The following STAG1 variants were observed in gnomAD, a reference collection of about 807,000 sequenced individuals.
STAG1 encodes cohesin subunit SA-1.
In STAG1, 26 loss-of-function variants were observed where a neutral mutation model predicts 170.9. That is an observed-to-expected ratio of 0.15 (90% CI 0.11 to 0.21). The LOEUF (loss-of-function observed/expected upper bound fraction) is 0.21, where lower values mean the gene tolerates loss of function less well. STAG1 is among the 10% of genes least tolerant of loss of function. The pLI is 1.00. For missense variants in STAG1, 964 were observed against 1,509.5 expected (o/e 0.64, Z 5.99); for synonymous variants, 514 against 497.7 (o/e 1.03, Z -0.44).
chr3:136,388,932 T>C (rs1014287385), intron 22 of STAG1, among the ~76,000 whole-genome samples: 1 of 152,188 alleles, frequency 6.6e-6, no homozygotes, highest in Non-Finnish European at 1.5e-5. Flanking sequence ...GAAAGTGTTA[T>C]GTTTTGTCTA....
At chr3:136,531,909 A>T (rs1304067791) in intron 6 of STAG1, among the ~76,000 whole-genome samples, 6 of 108,226 alleles carry the variant, frequency 5.5e-5, no homozygotes, top group Non-Finnish European at 8.9e-5. Context: ...TTAAAGTATA[A>T]AAAAAAAAAA....
chr3:136,475,375 G>A (rs1388802239), intron 10 of STAG1, among the ~76,000 whole-genome samples: 2 of 151,990 alleles, frequency 1.3e-5, no homozygotes, highest in African/African-American at 2.4e-5. Context: ...TCGAACTCCT[G>A]ACCTCAGGTG....
intron 21 of STAG1, among the ~76,000 whole-genome samples, chr3:136,413,242 TATATATA>T (rs1372452613): frequency 6.7e-6 from 1 of 148,238 alleles, no homozygotes; most frequent in Non-Finnish European, 1.5e-5. Flanking sequence ...TAATGTATAC[TATATATA>T]ATATATATCG....
At chr3:136,629,799 A>T (rs1165959701) in intron 2 of STAG1, among the ~76,000 whole-genome samples, 1 of 152,214 alleles carries the variant, frequency 6.6e-6, no homozygotes, top group African/African-American at 2.4e-5. Flanking sequence ...AACCATTGTT[A>T]TACAGAATCA....
chr3:136,475,078 C>T (rs2089713986), intron 10 of STAG1, among the ~76,000 whole-genome samples: 1 of 151,416 alleles, frequency 6.6e-6, no homozygotes, highest in Non-Finnish European at 1.5e-5. Context: ...TCTCCTGAAA[C>T]CACATTTTCA....
At chr3:136,474,283 T>C (rs1220694801) in intron 10 of STAG1, among the ~76,000 whole-genome samples, 1 of 152,222 alleles carries the variant, frequency 6.6e-6, no homozygotes, top group East Asian at 1.9e-4. Context: ...GATTAGTTTC[T>C]ATCCTCTGAA....
chr3:136,349,497 G>T, intron 28 of STAG1, 134 bp from the exon 29 acceptor site: 2 of 669,794 alleles, frequency 3.0e-6, no homozygotes, highest in South Asian at 3.7e-5. Context: ...ATTAACAGTG[G>T]TCACCTTTGG....
chr3:136,341,161 C>T (rs553513596), intron 31 of STAG1, among the ~76,000 whole-genome samples: 2 of 152,170 alleles, frequency 1.3e-5, no homozygotes, highest in Non-Finnish European at 2.9e-5. Flanking sequence ...CCGCCCGCCT[C>T]GGCCTCCCAA....
At chr3:136,631,052 C>A in intron 1 of STAG1, 71 bp from the exon 2 acceptor site, 1 of 686,736 alleles carries the variant, frequency 1.5e-6, no homozygotes, top group Non-Finnish European at 2.4e-6. Flanking sequence ...TACAATCAAT[C>A]CACACCACTA....
intron 1 of STAG1, among the ~76,000 whole-genome samples, chr3:136,678,192 G>T (rs1231680377): frequency 6.7e-6 from 1 of 149,444 alleles, no homozygotes; most frequent in African/African-American, 2.5e-5. Flanking sequence ...GAAAAAAATC[G>T]AGTTTATATA....
rs148995542 is a variant in STAG1 at position 136,400,274 on chromosome 3, C to T, written c.2197-1445G>A. ...ACAGAGTCTTGCTCTGTTGCCCAGG[C>T]TGCAGTGCAGTGGCGTGATCTCGGC... On this transcript the variant is annotated intron_variant, in intron 21 of 33. Transcript: ENST00000383202. Among the ~76,000 whole-genome samples the T allele has an allele frequency of 1.3e-3, 200 of 152,214 alleles. 1 individual carries two copies. Among genetic ancestry groups the T allele is most frequent in the African/African-American group, 4.4e-3 (184 of 41,530 alleles).
At chr3:136,406,728 C>T (rs2087495544) in intron 21 of STAG1, among the ~76,000 whole-genome samples, 1 of 151,898 alleles carries the variant, frequency 6.6e-6, no homozygotes, top group African/African-American at 2.4e-5. Flanking sequence ...AATCAATGTA[C>T]TGTATTATTA....
chr3:136,719,438 T>G (rs754598984), intron 1 of STAG1, among the ~76,000 whole-genome samples: 1 of 152,034 alleles, frequency 6.6e-6, no homozygotes, highest in Non-Finnish European at 1.5e-5. Context: ...GTTGGCTACA[T>G]AGTTTTCCAA....
chr3:136,497,462 C>T (rs1031734434), intron 9 of STAG1, among the ~76,000 whole-genome samples: 7 of 152,188 alleles, frequency 4.6e-5, no homozygotes, highest in African/African-American at 1.7e-4. Context: ...AATAAAACAA[C>T]ACACTGATCT....
intron 12 of STAG1, among the ~76,000 whole-genome samples, chr3:136,465,665 A>G (rs1440749466): frequency 7.9e-5 from 12 of 151,824 alleles, no homozygotes; most frequent in Admixed American, 1.3e-4. Flanking sequence ...AAATCAACAA[A>G]GTATTAGAAT....
intron 16 of STAG1, among the ~76,000 whole-genome samples, chr3:136,431,321 G>A (rs2088298750): frequency 6.6e-6 from 1 of 150,916 alleles, no homozygotes; most frequent in African/African-American, 2.4e-5. Flanking sequence ...TGCCCAGGCT[G>A]GAGTGCAGTG....
intron 1 of STAG1, among the ~76,000 whole-genome samples, chr3:136,682,066 A>T (rs545461885): frequency 9.9e-5 from 15 of 152,136 alleles, no homozygotes; most frequent in African/African-American, 2.9e-4. Flanking sequence ...TCCAAATTTT[A>T]AAAAAAAGAA....
At chr3:136,708,303 T>A (rs909128540) in intron 1 of STAG1, among the ~76,000 whole-genome samples, 2 of 152,056 alleles carry the variant, frequency 1.3e-5, no homozygotes, top group African/African-American at 2.4e-5. Flanking sequence ...GCCATAAAAA[T>A]TAAGTACTAA....
chr3:136,407,799 G>A (rs150623307), intron 21 of STAG1, among the ~76,000 whole-genome samples: 20 of 151,776 alleles, frequency 1.3e-4, no homozygotes, highest in Middle Eastern at 6.8e-3. Context: ...AGGAGGCTGA[G>A]GCAGTGGAAT....
Sources: gnomAD v4.1 joint callset for allele counts (sites outside exome capture counted in the v4.1 genomes callset) on GRCh38, gnomAD v4.1.1 for gene constraint, MANE v1.5 for transcripts, NCBI Gene and HGNC (gene_info 2026-07-23, HGNC 2026-07-21) for gene names.